Variants in MAP2K5 observed in about 807,000 individuals in gnomAD.
The protein encoded by MAP2K5 is dual specificity mitogen-activated protein kinase kinase 5.
MAP2K5 carries 49 observed loss-of-function variants against 83.1 expected under a neutral mutation model. The ratio of observed to expected loss-of-function variants is 0.59; its 90% CI spans 0.47 to 0.75. The LOEUF is 0.75. MAP2K5 is among the 30% of genes least tolerant of loss of function. The probability of loss-of-function intolerance (pLI) is 0.00; values close to 1 mark genes in which losing one functional copy is unlikely to be tolerated. For missense variants in MAP2K5, 457 were observed against 557.5 expected (o/e 0.82, Z 1.82); for synonymous variants, 202 against 191.8 (o/e 1.05, Z -0.44).
At chr15:67,658,789 A>T (rs1233809133) in intron 12 of MAP2K5, 175 bp downstream of exon 12, 3 of 648,954 alleles carry the variant, frequency 4.6e-6, no homozygotes, top group South Asian at 3.0e-5. Context: ...ACCCAACATC[A>T]CAACATAGTC....
In MAP2K5 at chr15:67,785,240, C is replaced by T. The variant is rs185886961; in HGVS notation, c.1242+12488C>T. 2.6e-5 allele frequency among the ~76,000 whole-genome samples: 4 copies of T among 152,176 alleles called. No individual in the cohort carries two copies. The highest frequency in any genetic ancestry group is 7.2e-5 in the African/African-American group (3 of 41,432). On this transcript the variant is annotated intron_variant, in intron 21 of 21. Transcript: ENST00000178640. The surrounding 1 kb of genome is among the most constrained non-coding windows in gnomAD (Gnocchi z 4.4). The stretch of plus-strand genomic sequence containing the variant: ...GATTACAGGTGTGAGCCACCGTGCC[C>T]GGCCCCGAACTGTTTCTTAAACACA...
chr15:67,622,426 T>C (rs1160883821), intron 8 of MAP2K5, among the ~76,000 whole-genome samples: 1 of 152,078 alleles, frequency 6.6e-6, no homozygotes, highest in Non-Finnish European at 1.5e-5. Flanking sequence ...GAAATCCTTA[T>C]AAAGACTTTT....
chr15:67,763,534 C>A (rs2089989744), intron 19 of MAP2K5, among the ~76,000 whole-genome samples: 1 of 152,174 alleles, frequency 6.6e-6, no homozygotes, highest in South Asian at 2.1e-4. Context: ...GCTGATTTCC[C>A]AGAATCTCAC....
intron 19 of MAP2K5, among the ~76,000 whole-genome samples, chr15:67,763,729 G>A (rs760848969): frequency 2.6e-5 from 4 of 151,926 alleles, no homozygotes; most frequent in Non-Finnish European, 4.4e-5. Context: ...GTGTCATAAA[G>A]ATGCTACTCT....
chr15:67,637,333 T>C lies in MAP2K5; in HGVS notation c.585+6406T>C, dbSNP rs889162331. ...ATACAGAGATGGTATTTAGTTACTT[T>C]TGAATAATTTGATTCTTTCAAGGCT... is the stretch of plus-strand genomic sequence containing the variant. On this transcript the variant is annotated intron_variant, in intron 9 of 21. Transcript: ENST00000178640. The surrounding 1 kb of genome is among the most constrained non-coding windows in gnomAD (Gnocchi z 4.5). 2.0e-5 allele frequency among the ~76,000 whole-genome samples: 3 copies of C among 152,204 alleles called. No individual in the cohort carries two copies. The highest frequency in any genetic ancestry group is 1.3e-4 in the Admixed American group (2 of 15,272).
At chr15:67,667,112 A>G (rs1186680693) in intron 13 of MAP2K5, among the ~76,000 whole-genome samples, 1 of 152,234 alleles carries the variant, frequency 6.6e-6, no homozygotes, top group Admixed American at 6.5e-5. Context: ...TTGTAATGAG[A>G]AATTTACCTT....
chr15:67,670,465 T>A (rs374394177), intron 13 of MAP2K5: 1 of 455,450 alleles, frequency 2.2e-6, no homozygotes. Flanking sequence ...AATTTTACTG[T>A]GTATAAATTA....
chr15:67,695,087 C>T lies in MAP2K5; in HGVS notation c.972+1519C>T, dbSNP rs373146659. ...GAACACATGGACACAGGAATGGGAA[C>T]ATCACACTCTGGGGACTGTTGTGGG... On this transcript the variant is annotated intron_variant, in intron 15 of 21. Transcript: ENST00000178640. 3.6e-4 allele frequency among the ~76,000 whole-genome samples: 50 copies of T among 140,566 alleles called. No homozygotes were observed. In the East Asian group the frequency reaches 9.7e-3, roughly 27 times the overall value. The allele number at this position is 140,566 out of a possible 152,430, so 92.2% of individuals were successfully genotyped here.
chr15:67,560,583 G>A lies in MAP2K5; in HGVS notation c.185-2700G>A, dbSNP rs1382204503. 5.3e-5 allele frequency among the ~76,000 whole-genome samples: 8 copies of A among 152,318 alleles called. No homozygotes were observed. The South Asian group carries it at 1.2e-3, about 24-fold the overall frequency. ...TGGAGTCAGACCCCCTAAGGGGAGAGTTCCAACATTTTATCACTGGGTTGA... is the reference window on the plus strand; with the variant it reads ...TGGAGTCAGACCCCCTAAGGGGAGAATTCCAACATTTTATCACTGGGTTGA... On this transcript the variant is annotated intron_variant, in intron 2 of 21. Transcript: ENST00000178640.
In MAP2K5 at chr15:67,702,446, T is replaced by C. The variant is rs1345810832; in HGVS notation, c.973-891T>C. ...GAATTGGATATTGGGGTGTAAGTTA[T>C]GATCTCAGCCTTGCCATGATTAGCC... On this transcript the variant is annotated intron_variant, in intron 15 of 21. Coordinates refer to ENST00000178640, the MANE Select transcript of MAP2K5 (RefSeq NM_145160.3). The surrounding 1 kb of genome is among the most constrained non-coding windows in gnomAD (Gnocchi z 4.6). Among the ~76,000 whole-genome samples, 3 of 152,242 alleles carry C rather than the reference T, an allele frequency of 2.0e-5. No individual in the cohort carries two copies. Among genetic ancestry groups the C allele is most frequent in the African/African-American group, 7.2e-5 (3 of 41,456 alleles).
chr15:67,646,601 C>T (rs1338775110), intron 11 of MAP2K5, 132 bp downstream of exon 11: 2 of 499,840 alleles, frequency 4.0e-6, no homozygotes, highest in Non-Finnish European at 6.9e-6. Flanking sequence ...CATTTATACT[C>T]TAAGATTATT....
intron 21 of MAP2K5, among the ~76,000 whole-genome samples, chr15:67,795,254 T>C (rs1353538984): frequency 2.0e-5 from 3 of 152,246 alleles, no homozygotes; most frequent in Non-Finnish European, 4.4e-5. Flanking sequence ...CTTCATGTTC[T>C]TTATTATTTG....
chr15:67,665,853 GA>G lies in MAP2K5; in HGVS notation c.847+1216del, dbSNP rs1363663103. 1.3e-5 allele frequency among the ~76,000 whole-genome samples: 2 copies of G among 151,788 alleles called. No homozygotes were observed. The highest frequency in any genetic ancestry group is 6.6e-5 in the Admixed American group (1 of 15,238). On this transcript the variant is annotated intron_variant, in intron 13 of 21. Coordinates refer to ENST00000178640, the MANE Select transcript of MAP2K5 (RefSeq NM_145160.3). The surrounding 1 kb of genome is among the most constrained non-coding windows in gnomAD (Gnocchi z 4.2). The stretch of plus-strand genomic sequence containing the variant: ...AAGTGTGTAAACAAATTTGGTGGAT[GA>G]AAAAAAATTGAACATTTTTGACTAC...
intron 7 of MAP2K5, among the ~76,000 whole-genome samples, chr15:67,597,016 A>G (rs2085540953): frequency 6.6e-6 from 1 of 151,996 alleles, no homozygotes; most frequent in Non-Finnish European, 1.5e-5. Context: ...TTAAAAAAAT[A>G]CAATTAGCTG....
intron 16 of MAP2K5, among the ~76,000 whole-genome samples, chr15:67,723,420 G>A (rs2089014769): frequency 1.3e-5 from 2 of 152,160 alleles, no homozygotes; most frequent in South Asian, 4.1e-4. Flanking sequence ...CCTGTTTTTA[G>A]AGTGAGATGT....
At chr15:67,751,938 G>C (rs1484431695) in intron 19 of MAP2K5, among the ~76,000 whole-genome samples, 1 of 152,170 alleles carries the variant, frequency 6.6e-6, no homozygotes, top group Non-Finnish European at 1.5e-5. Flanking sequence ...GCTCTGCATA[G>C]TGCTTTTCCT....
intron 17 of MAP2K5, among the ~76,000 whole-genome samples, chr15:67,728,281 A>G (rs1201181463): frequency 1.2e-4 from 18 of 152,168 alleles, no homozygotes; most frequent in Admixed American, 1.2e-3. Context: ...AAGCTCTTAA[A>G]TTCACTTAAA....
intron 16 of MAP2K5, among the ~76,000 whole-genome samples, chr15:67,710,574 A>G (rs1284712468): frequency 1.7e-4 from 25 of 144,548 alleles, no homozygotes; most frequent in African/African-American, 6.2e-4. Flanking sequence ...CACAGTCTTA[A>G]CTCATTGCAA....
intron 15 of MAP2K5, among the ~76,000 whole-genome samples, chr15:67,695,496 C>A (rs1312402510): frequency 6.6e-6 from 1 of 152,098 alleles, no homozygotes; most frequent in East Asian, 1.9e-4. Context: ...AATGTAATTA[C>A]CTTCCTTCCT....
Sources: allele counts gnomAD v4.1 joint callset (sites outside exome capture counted in the v4.1 genomes callset), GRCh38; gene constraint gnomAD v4.1.1; non-coding constraint Gnocchi (gnomAD v3.1); transcripts MANE v1.5; gene names NCBI Gene and HGNC (gene_info 2026-07-23, HGNC 2026-07-21).